Variants in UGGT1 observed in about 807,000 individuals in gnomAD.
UGGT1 encodes UDP-glucose glycoprotein glucosyltransferase 1.
In UGGT1, 107 loss-of-function variants were observed where a neutral mutation model predicts 203.9. The ratio of observed to expected loss-of-function variants is 0.52; its 90% CI spans 0.45 to 0.62. The LOEUF (loss-of-function observed/expected upper bound fraction) is 0.62. UGGT1 is among the 20% of genes least tolerant of loss of function. UGGT1 has a pLI of 0.00. For missense variants in UGGT1, 1,673 were observed against 1,867.2 expected (o/e 0.90, Z 1.92); for synonymous variants, 628 against 653.5 (o/e 0.96, Z 0.59).
chr2:128,175,816 T>G (rs1443068502), intron 31 of UGGT1, among the ~76,000 whole-genome samples: 1 of 152,214 alleles, frequency 6.6e-6, no homozygotes, highest in Non-Finnish European at 1.5e-5. Flanking sequence ...ATTAGAATCT[T>G]CCTTTGCCTG....
intron 17 of UGGT1, 30 bp from the exon 18 acceptor site, chr2:128,145,773 A>G (rs373564039): frequency 2.6e-6 from 4 of 1,511,020 alleles, no homozygotes; most frequent in African/African-American, 2.8e-5. Flanking sequence ...AGGCAAAAAT[A>G]TACTGTTTTT....
intron 22 of UGGT1, 48 bp from the exon 23 acceptor site, chr2:128,159,466 G>C (rs779013196): frequency 1.2e-5 from 19 of 1,554,518 alleles, no homozygotes; most frequent in Non-Finnish European, 1.6e-5. Context: ...TGCTTTTTAA[G>C]TTCAAAAATA....
intron 13 of UGGT1, among the ~76,000 whole-genome samples, 198 bp downstream of exon 13, chr2:128,129,377 C>A (rs1194044093): frequency 6.7e-6 from 1 of 148,700 alleles, no homozygotes; most frequent in East Asian, 2.0e-4. Context: ...GTTATTGTTG[C>A]TAATGTGGTT....
chr2:128,095,841 A>G (rs747663291), intron 1 of UGGT1, among the ~76,000 whole-genome samples: 1 of 152,218 alleles, frequency 6.6e-6, no homozygotes, highest in African/African-American at 2.4e-5. Flanking sequence ...GCTATTGACT[A>G]GTCCCCAATG....
In UGGT1 at chr2:128,133,215, C is replaced by G. The variant is rs1262951656; in HGVS notation, c.1452C>G (p.Thr484=). 1 of 1,614,046 alleles carries G rather than the reference C, an allele frequency of 6.2e-7. No individual in the cohort carries two copies. The highest frequency in any genetic ancestry group is 1.7e-5 in the Admixed American group (1 of 60,018). ...GTTTACAAGAGTTGCTTCGACCCAC[C>G]TTTCCTGGTGTTATTCGGCAGATCA... is the stretch of plus-strand genomic sequence containing the variant. ...PSSLQELLRP[T]FPGVIRQIRK... is the part of the protein sequence containing the mutation. The change falls in exon 14 of 41, where the codon ACC becomes ACG. Residue 484 remains threonine, a synonymous_variant. Transcript: ENST00000259253.
chr2:128,120,519 T>C (rs954162743), intron 9 of UGGT1, 63 bp downstream of exon 9: 51 of 1,325,412 alleles, frequency 3.8e-5, no homozygotes, highest in Middle Eastern at 1.8e-4. Flanking sequence ...CTTTAAAAAA[T>C]GCAAAATTTG....
chr2:128,148,400 G>A (rs1007518858), intron 18 of UGGT1, among the ~76,000 whole-genome samples: 7 of 152,154 alleles, frequency 4.6e-5, no homozygotes, highest in African/African-American at 1.4e-4. Flanking sequence ...CTTAACATCT[G>A]TATTCTTTTT....
At chr2:128,117,342 G>A (rs1268087403) in intron 8 of UGGT1, among the ~76,000 whole-genome samples, 2 of 152,068 alleles carry the variant, frequency 1.3e-5, no homozygotes, top group African/African-American at 4.8e-5. Context: ...TGCCTGCTTC[G>A]CTCTCCCAGA....
At chr2:128,115,055 G>T (rs1392561029) in intron 6 of UGGT1, 69 bp from the exon 7 acceptor site, 5 of 1,401,660 alleles carry the variant, frequency 3.6e-6, no homozygotes, top group Non-Finnish European at 5.0e-6. Context: ...CATTAACATG[G>T]TCATGCCATG....
intron 18 of UGGT1, among the ~76,000 whole-genome samples, chr2:128,151,945 G>T (rs1234898870): frequency 1.3e-5 from 2 of 152,142 alleles, no homozygotes; most frequent in Admixed American, 1.3e-4. Flanking sequence ...TGATAAATCT[G>T]CACATTTGCA....
chr2:128,156,252 C>T (rs1460092538), intron 20 of UGGT1, 140 bp from the exon 21 acceptor site: 11 of 667,146 alleles, frequency 1.6e-5, no homozygotes, highest in South Asian at 5.3e-5. Flanking sequence ...ACTGGGACAG[C>T]GCCATGACAC....
chr2:128,194,982 A>G lies in UGGT1; in HGVS notation c.*5240A>G, dbSNP rs1435090591. 2 of 152,200 alleles carry G rather than the reference A, an allele frequency of 1.3e-5. No individual in the cohort carries two copies. Among genetic ancestry groups the G allele is most frequent in the African/African-American group, 2.4e-5 (1 of 41,448 alleles). 9.4% of individuals were successfully genotyped at this position (152,200 alleles called of 1,614,324 possible). ...CTCAGGCTGTCATTGATCAGTGACA[A>G]TTTATAAAAACAAACTGCAAAGTCT... On this transcript the variant is annotated 3_prime_UTR_variant, in exon 41 of 41. Transcript: ENST00000259253.
In UGGT1 at chr2:128,159,691, G is replaced by A. The variant is rs1425653639; in HGVS notation, c.2533G>A (p.Gly845Arg). ...KEGAAEALAA[G>R]ADIAEFSVGG... ...GGGGGCTGCAGAGGCCCTGGCTGCA[G>A]GAGCTGACATTGCGGAGTTCTCTGT... Residue 845 changes from glycine to arginine, a missense_variant, in exon 23 of 41, where the codon GGA becomes AGA. Physicochemically the swap from Gly to Arg is moderately radical, Grantham distance 125 (BLOSUM62 -2). Transcript: ENST00000259253. The A allele has an allele frequency of 2.5e-6, 4 of 1,614,048 alleles. No individual in the cohort carries two copies. In the African/African-American group the frequency reaches 5.3e-5, roughly 22 times the overall value.
At chr2:128,133,115 G>A (rs1173301787) in intron 13 of UGGT1, 26 bp from the exon 14 acceptor site, 2 of 1,611,718 alleles carry the variant, frequency 1.2e-6, no homozygotes, top group Admixed American at 1.7e-5. Flanking sequence ...TAATGTGCAT[G>A]TATCCTGTTG....
intron 7 of UGGT1, among the ~76,000 whole-genome samples, chr2:128,115,505 A>G (rs73955916): frequency 8.1e-6 from 1 of 122,738 alleles, no homozygotes; most frequent in Non-Finnish European, 1.9e-5. Context: ...AAAAAAAAAA[A>G]CAAAAACCCT....
chr2:128,179,986 C>A, intron 35 of UGGT1, 116 bp downstream of exon 35: 1 of 831,578 alleles, frequency 1.2e-6, no homozygotes, highest in African/African-American at 1.8e-5. Flanking sequence ...CTAAGATACC[C>A]TAATTTGGTT....
intron 8 of UGGT1, among the ~76,000 whole-genome samples, chr2:128,117,616 T>C (rs1201756785): frequency 2.0e-5 from 3 of 148,844 alleles, no homozygotes; most frequent in Non-Finnish European, 4.4e-5. Context: ...CGATCTTGGC[T>C]CACTGCAAGC....
At position 128,172,562 on chromosome 2, in the gene UGGT1, T is replaced by C. The variant is rs533598149; in HGVS notation, c.3105-11T>C. ...TCGAAAATTATCTAACACTTTCCTT[T>C]TCAATTTCAGCTTTTACCGTTATGT... On this transcript the variant is annotated splice_polypyrimidine_tract_variant and intron_variant, in intron 28 of 40. Transcript: ENST00000259253. The C allele has an allele frequency of 6.8e-6, 11 of 1,613,822 alleles. No homozygotes were observed. In the South Asian group the frequency reaches 1.2e-4, roughly 18 times the overall value.
At chr2:128,156,644 G>A (rs1039484417) in intron 21 of UGGT1, among the ~76,000 whole-genome samples, 12 of 147,612 alleles carry the variant, frequency 8.1e-5, no homozygotes, top group Admixed American at 1.4e-4. Flanking sequence ...TGCAAGCTCC[G>A]CCTTCTGGGT....
Sources: allele counts gnomAD v4.1 joint callset (sites outside exome capture counted in the v4.1 genomes callset), GRCh38; gene constraint gnomAD v4.1.1; transcripts MANE v1.5; gene names NCBI Gene and HGNC (gene_info 2026-07-23, HGNC 2026-07-21).